SEC14L1: variants seen among roughly 807,000 people sequenced by gnomAD.
SEC14L1 encodes SEC14-like protein 1.
Under a neutral mutation model 85.3 loss-of-function variants are expected in SEC14L1, and 48 were observed. The ratio of observed to expected loss-of-function variants is 0.56; its 90% CI spans 0.45 to 0.72. The LOEUF is 0.72. SEC14L1 is among the 30% of genes least tolerant of loss of function. SEC14L1 has a pLI of 0.00. For synonymous variants in SEC14L1, 391 were observed against 355.5 expected (o/e 1.10, Z -1.12); for missense variants, 682 against 921.4 (o/e 0.74, Z 3.36).
At chr17:77,147,254 G>A (rs926028851) in intron 3 of SEC14L1, among the ~76,000 whole-genome samples, 1 of 151,952 alleles carries the variant, frequency 6.6e-6, no homozygotes, top group Admixed American at 6.6e-5. Context: ...TAGTATTGCC[G>A]GAAAATTGTT....
In SEC14L1 at chr17:77,214,177, A is replaced by C; in HGVS notation, c.*154A>C. 2.1e-6 allele frequency: 3 copies of C among 1,419,416 alleles called. No individual in the cohort carries two copies. The African/African-American group carries it at 4.3e-5, about 20-fold the overall frequency. The allele number at this position is 1,419,416 out of a possible 1,614,324, so 87.9% of individuals were successfully genotyped here. ...ATGGTAAACGTAGTCGTTTGATCCCAAAACTACCTTGGCAGGTAGTTTTAA... is the reference window on the plus strand; with the variant it reads ...ATGGTAAACGTAGTCGTTTGATCCCCAAACTACCTTGGCAGGTAGTTTTAA... On this transcript the variant is annotated 3_prime_UTR_variant, in exon 17 of 17. Transcript: ENST00000436233.
chr17:77,153,731 T>G (rs1420953419), intron 3 of SEC14L1, among the ~76,000 whole-genome samples: 1 of 152,268 alleles, frequency 6.6e-6, no homozygotes, highest in Non-Finnish European at 1.5e-5. Context: ...CAGTCAGTCC[T>G]TGCCCTCTTC....
chr17:77,184,029 G>A (rs901602031), intron 3 of SEC14L1, among the ~76,000 whole-genome samples: 1 of 151,990 alleles, frequency 6.6e-6, no homozygotes, highest in East Asian at 1.9e-4. Flanking sequence ...CAGGTGATTC[G>A]CTTGCCTTGA....
At chr17:77,140,262 C>G (rs533018407), upstream of SEC14L1, among the ~76,000 whole-genome samples, 10 of 152,330 alleles carry the variant, frequency 6.6e-5, no homozygotes, top group Middle Eastern at 3.4e-3. Context: ...AGGGGCAGGC[C>G]CTGGGCGCGC....
At chr17:77,119,727 A>C (rs1567876752) in intron 3 of SEC14L1, among the ~76,000 whole-genome samples, 1 of 152,002 alleles carries the variant, frequency 6.6e-6, no homozygotes, top group Non-Finnish European at 1.5e-5. Flanking sequence ...CGGCCCTTAC[A>C]CTCCAGCAGT....
At chr17:77,130,750 G>A (rs1972588750) in intron 3 of SEC14L1, among the ~76,000 whole-genome samples, 1 of 152,152 alleles carries the variant, frequency 6.6e-6, no homozygotes, top group African/African-American at 2.4e-5. Flanking sequence ...GGGAATGCAG[G>A]CACATGCCAT....
chr17:77,179,254 T>C (rs1007062802), intron 3 of SEC14L1, among the ~76,000 whole-genome samples: 8 of 152,194 alleles, frequency 5.3e-5, no homozygotes, highest in African/African-American at 1.4e-4. Context: ...CATTGCGTGG[T>C]AAACTGTGAA....
intron 5 of SEC14L1, 91 bp downstream of exon 5, chr17:77,191,403 G>T: frequency 5.0e-6 from 7 of 1,409,464 alleles, no homozygotes; most frequent in Non-Finnish European, 6.0e-6. Flanking sequence ...GCATCTTTTT[G>T]TCTTAGAGGG....
intron 10 of SEC14L1, 32 bp downstream of exon 10, chr17:77,203,690 A>G (rs1273587875): frequency 2.6e-6 from 4 of 1,561,770 alleles, no homozygotes; most frequent in South Asian, 2.3e-5. Flanking sequence ...TCCAGGTGCC[A>G]CTGTGGCGTC....
chr17:77,210,334 C>T (rs1328569096), intron 14 of SEC14L1: 1 of 152,444 alleles, frequency 6.6e-6, no homozygotes, highest in Non-Finnish European at 1.5e-5. Flanking sequence ...CACGAGTGAC[C>T]TGAAGCAGGA....
chr17:77,095,358 G>A (rs2143287910), intron 3 of SEC14L1, among the ~76,000 whole-genome samples: 1 of 152,300 alleles, frequency 6.6e-6, no homozygotes, highest in East Asian at 1.9e-4. Context: ...GGACAGGATG[G>A]GAATGAGTGT....
Position 77,206,639 on chromosome 17 carries a change from C to T in SEC14L1, c.1342-89C>T. ...ATAAACTTGAATGTCTTCCCCCCAC[C>T]CTCCCACTCAGAATACCACATTGTC... On this transcript the variant is annotated intron_variant, in intron 12 of 16. Coordinates refer to ENST00000436233, the MANE Select transcript of SEC14L1 (RefSeq NM_001143998.2). The surrounding 1 kb of genome is among the most constrained non-coding windows in gnomAD (Gnocchi z 4.3). The T allele has an allele frequency of 6.9e-7, 1 of 1,459,044 alleles. No homozygotes were observed. The highest frequency in any genetic ancestry group is 2.3e-4 in the Middle Eastern group (1 of 4,352). The allele number at this position is 1,459,044 out of a possible 1,614,324, so 90.4% of individuals were successfully genotyped here.
intron 3 of SEC14L1, among the ~76,000 whole-genome samples, chr17:77,173,592 T>C (rs1974620866): frequency 6.6e-6 from 1 of 152,210 alleles, no homozygotes; most frequent in South Asian, 2.1e-4. Context: ...GGGACAGGAC[T>C]CTTGTTATTC....
chr17:77,177,260 T>C (rs1974801489), intron 3 of SEC14L1, among the ~76,000 whole-genome samples: 1 of 151,632 alleles, frequency 6.6e-6, no homozygotes, highest in African/African-American at 2.4e-5. Context: ...ATTTAAAACA[T>C]AGAGCCCCCG....
At chr17:77,147,970 G>T (rs764353415) in intron 3 of SEC14L1, among the ~76,000 whole-genome samples, 5 of 152,088 alleles carry the variant, frequency 3.3e-5, no homozygotes, top group Non-Finnish European at 7.4e-5. Flanking sequence ...TGCCTTAAAG[G>T]GTTTAAGATC....
In SEC14L1 at chr17:77,120,940, G is replaced by A. The variant is rs77546813; in HGVS notation, c.-135-21706G>A. The stretch of plus-strand genomic sequence containing the variant: ...AGAGAGAGGCAGGGAACAGAGCATC[G>A]TTTTGTTATCGTGGGTTGTGGCAGA... On this transcript the variant is annotated intron_variant, in intron 3 of 19. Coordinates refer to the SEC14L1 transcript ENST00000392476. 3.9e-3 allele frequency among the ~76,000 whole-genome samples: 601 copies of A among 152,292 alleles called. 7 individuals carry two copies. The highest frequency in any genetic ancestry group is 0.013 in the African/African-American group (557 of 41,558).
rs953881544 is a variant in SEC14L1 at position 77,149,556 on chromosome 17, G to A, written c.63+5897G>A. 3.3e-5 allele frequency among the ~76,000 whole-genome samples: 5 copies of A among 152,118 alleles called. No homozygotes were observed. The East Asian group carries it at 9.6e-4, about 29-fold the overall frequency. ...ATAAAAAAATAAAATTAAAATAAAT[G>A]GTCATGGTGGTGTGTGCCTATAGTC... On this transcript the variant is annotated intron_variant, in intron 3 of 16. Coordinates refer to ENST00000436233, the MANE Select transcript of SEC14L1 (RefSeq NM_001143998.2).
chr17:77,192,289 C>CTG (rs1482452143), intron 5 of SEC14L1, among the ~76,000 whole-genome samples: 1 of 152,198 alleles, frequency 6.6e-6, no homozygotes, highest in Non-Finnish European at 1.5e-5. Context: ...TGACAGATTG[C>CTG]TGTATTTCTG....
chr17:77,164,082 G>A (rs1209369274), intron 3 of SEC14L1, among the ~76,000 whole-genome samples: 1 of 152,248 alleles, frequency 6.6e-6, no homozygotes, highest in East Asian at 1.9e-4. Flanking sequence ...TACTTTGTGG[G>A]TAGGCTCTTT....
Sources: allele counts gnomAD v4.1 joint callset (sites outside exome capture counted in the v4.1 genomes callset), GRCh38; gene constraint gnomAD v4.1.1; non-coding constraint Gnocchi (gnomAD v3.1); transcripts MANE v1.5; gene names NCBI Gene and HGNC (gene_info 2026-07-23, HGNC 2026-07-21).